KDM2B: variants seen among roughly 807,000 people sequenced by gnomAD.
The protein encoded by KDM2B is lysine-specific demethylase 2B.
In KDM2B, 26 loss-of-function variants were observed where a neutral mutation model predicts 150.0. That is an observed-to-expected ratio of 0.17 (90% CI 0.13 to 0.24). KDM2B has a LOEUF of 0.24. Ranked by LOEUF, KDM2B falls within the 10% of genes least tolerant of loss-of-function variation. KDM2B has a pLI of 1.00. For synonymous variants in KDM2B, 734 were observed against 729.5 expected (o/e 1.01, Z -0.10); for missense variants, 1,265 against 1,816.9 (o/e 0.70, Z 5.52).
intron 12 of KDM2B, among the ~76,000 whole-genome samples, chr12:121,482,672 C>T (rs144320234): frequency 0.012 from 1,849 of 152,190 alleles, 14 homozygotes; most frequent in Middle Eastern, 0.02. Context: ...ACATAAAGAA[C>T]AAGTGAGTCA....
In KDM2B at chr12:121,510,035, G is replaced by T; in HGVS notation, c.1179C>A (p.Ala393=). The T allele has an allele frequency of 6.5e-7, 1 of 1,543,524 alleles. No homozygotes were observed. Among genetic ancestry groups the T allele is most frequent in the South Asian group, 1.3e-5 (1 of 79,390 alleles). ...AGCCGTCTATGCTGGGCTTCCTCGG[G>T]GCATCTGTGGGGGCAGGGTCACAAG... ...EYQRESMLID[A]PRKPSIDGFS... is the part of the protein sequence containing the mutation. Residue 393 remains alanine, a synonymous_variant, in exon 11 of 23, where the codon GCC becomes GCA. Transcript: ENST00000377071.
rs782585571 is a variant in KDM2B at position 121,442,363 on chromosome 12, G to C, written c.3078C>G (p.Pro1026=). The stretch of plus-strand genomic sequence containing the variant: ...ACTTGGGCGGGGACACGGAGGGTGG[G>C]GGCCGGGAGATGACACGGGGCGGGC... ...LRSPPRVISR[P]PPSVSPPKCI... is the part of the protein sequence containing the mutation. The change falls in exon 19 of 23, where the codon CCC becomes CCG. Residue 1026 remains proline, a synonymous_variant. Coordinates refer to ENST00000377071, the MANE Select transcript of KDM2B (RefSeq NM_032590.5). This position sits in a 1 kb window ranked among gnomAD's most constrained non-coding sequence, Gnocchi z 7.7. 6.3e-6 allele frequency: 10 copies of C among 1,584,574 alleles called. No individual in the cohort carries two copies. The highest frequency in any genetic ancestry group is 7.7e-6 in the Non-Finnish European group (9 of 1,162,964).
intron 13 of KDM2B, among the ~76,000 whole-genome samples, chr12:121,448,319 CAAAA>C (rs57261158): frequency 0.042 from 2,143 of 51,018 alleles, 47 homozygotes; most frequent in African/African-American, 0.12. Flanking sequence ...GACTCTGTCT[CAAAA>C]AAAAAAAAAA....
At chr12:121,418,976 T>G in the KDM2B span, among the ~76,000 whole-genome samples, 1 of 152,160 alleles carries the variant, frequency 6.6e-6, no homozygotes, top group Admixed American at 6.5e-5. Context: ...GTGCTAAGAT[T>G]ACAGGCATGA....
At chr12:121,548,736 GCA>G in intron 6 of KDM2B, 139 bp downstream of exon 6, 1 of 658,676 alleles carries the variant, frequency 1.5e-6, no homozygotes, top group Non-Finnish European at 2.7e-6. Flanking sequence ...GCCCCCACAG[GCA>G]CAGTCCTTCA....
intron 9 of KDM2B, among the ~76,000 whole-genome samples, chr12:121,515,696 C>A (rs1176184204): frequency 2.6e-5 from 4 of 151,954 alleles, no homozygotes; most frequent in Admixed American, 6.5e-5. Flanking sequence ...CCAAACCCAG[C>A]GTCTCTGAGA....
chr12:121,509,741 G>C lies in KDM2B; in HGVS notation c.1473C>G (p.Pro491=). The C allele has an allele frequency of 6.2e-7, 1 of 1,614,108 alleles. No individual in the cohort carries two copies. Among genetic ancestry groups the C allele is most frequent in the South Asian group, 1.1e-5 (1 of 91,076 alleles). The change falls in exon 11 of 23, where the codon CCC becomes CCG. Residue 491 remains proline (P), a synonymous_variant. Transcript: ENST00000377071. The part of the protein sequence containing the change: ...VKSTTLAVDY[P]KTPTGSPATE... ...TGGCGGGAGAGCCGGTGGGGGTCTT[G>C]GGGTAGTCTACGGCCAATGTGGTGG...
intron 17 of KDM2B, 56 bp from the exon 18 acceptor site, chr12:121,443,086 C>T (rs1875453513): frequency 2.0e-6 from 3 of 1,490,506 alleles, no homozygotes; most frequent in East Asian, 2.3e-5. Context: ...GGGATTTGGT[C>T]TCCTCGACAC....
intron 12 of KDM2B, among the ~76,000 whole-genome samples, chr12:121,462,819 T>C (rs1359552843): frequency 1.3e-5 from 2 of 152,034 alleles, no homozygotes; most frequent in Non-Finnish European, 2.9e-5. Context: ...TAAGAAGCTA[T>C]AGGCCAGGTG....
At position 121,468,070 on chromosome 12, in the gene KDM2B, C is replaced by T. The variant is rs1555295250; in HGVS notation, c.1735-14726G>A. Reference sequence around the variant, plus strand: ...TCGCCTGACGGGGGCTGTCAGAACGCCCTGACTCTACCCTGAGGTGGGCGC... The same window carrying T: ...TCGCCTGACGGGGGCTGTCAGAACGTCCTGACTCTACCCTGAGGTGGGCGC... On this transcript the variant is annotated intron_variant, in intron 12 of 22. Coordinates refer to ENST00000377071, the MANE Select transcript of KDM2B (RefSeq NM_032590.5). The surrounding 1 kb of genome is among the most constrained non-coding windows in gnomAD (Gnocchi z 4.0). 1 of 152,268 alleles carries T rather than the reference C, an allele frequency of 6.6e-6. No homozygotes were observed. The highest frequency in any genetic ancestry group is 2.4e-5 in the African/African-American group (1 of 41,438). The allele number at this position is 152,268 out of a possible 1,614,324, so 9.4% of individuals were successfully genotyped here.
At position 121,467,108 on chromosome 12, in the gene KDM2B, G is replaced by C. The variant is rs1880110125; in HGVS notation, c.1735-13764C>G. On this transcript the variant is annotated intron_variant, in intron 12 of 22. Coordinates refer to ENST00000377071, the MANE Select transcript of KDM2B (RefSeq NM_032590.5). This position sits in a 1 kb window ranked among gnomAD's most constrained non-coding sequence, Gnocchi z 5.1. Reference sequence around the variant, plus strand: ...CCCTCGGCGCGTCAGACAGGCGGTCGGGAGGTCGTGCGGCGGGTCCCTCCC... The same window carrying C: ...CCCTCGGCGCGTCAGACAGGCGGTCCGGAGGTCGTGCGGCGGGTCCCTCCC... 1 of 1,066,762 alleles carries C rather than the reference G, an allele frequency of 9.4e-7. No individual in the cohort carries two copies. The highest frequency in any genetic ancestry group is 1.2e-6 in the Non-Finnish European group (1 of 851,812). 66.1% of individuals were successfully genotyped at this position (1,066,762 alleles called of 1,614,324 possible).
In KDM2B at chr12:121,436,288, G is replaced by A. The variant is rs368958894; in HGVS notation, c.3829+3569C>T. 6.8e-4 allele frequency among the ~76,000 whole-genome samples: 103 copies of A among 152,290 alleles called. No individual in the cohort carries two copies. The South Asian group carries it at 0.014, about 21-fold the overall frequency. ...TGTAATCCCAGCACTTTGGGAGGCC[G>A]AGGCGGGCGGATCACGAGGTCAGGA... On this transcript the variant is annotated intron_variant, in intron 22 of 22. Coordinates refer to ENST00000377071, the MANE Select transcript of KDM2B (RefSeq NM_032590.5).
In KDM2B at chr12:121,442,806, T is replaced by C. The variant is rs782648965; in HGVS notation, c.2635A>G (p.Met879Val). 13 of 1,531,340 alleles carry C rather than the reference T, an allele frequency of 8.5e-6. No homozygotes were observed. Among genetic ancestry groups the C allele is most frequent in the African/African-American group, 8.4e-5 (6 of 71,846 alleles). The allele number at this position is 1,531,340 out of a possible 1,614,324, so 94.9% of individuals were successfully genotyped here. The change falls in exon 19 of 23, where the codon ATG becomes GTG. Residue 879 changes from methionine (M) to valine (V), a missense_variant. Around this residue, in one of 11 missense-constraint regions of KDM2B, gnomAD observed 418 missense variants for 402.4 expected, o/e 1.04. Coordinates refer to ENST00000377071, the MANE Select transcript of KDM2B (RefSeq NM_032590.5). This position sits in a 1 kb window ranked among gnomAD's most constrained non-coding sequence, Gnocchi z 7.7. ...CGGAGGGGCTTGTTGGCCAGCGCCA[T>C]GCGGTCCTCGGCGTTCTTCCAGGAC... Reference protein sequence around the residue: ...RRSWKNAEDRMALANKPLRRF... With the variant: ...RRSWKNAEDRVALANKPLRRF...
chr12:121,442,859 G>A lies in KDM2B; in HGVS notation c.2605-23C>T, dbSNP rs782568495. On this transcript the variant is annotated intron_variant, in intron 18 of 22. Transcript: ENST00000377071. This position sits in a 1 kb window ranked among gnomAD's most constrained non-coding sequence, Gnocchi z 7.7. The stretch of plus-strand genomic sequence containing the variant: ...CCGCTGAGGGCGAGAGCGGAGACGC[G>A]TCAGCCTCTGGGGCTCAGGGCTGCG... The A allele has an allele frequency of 7.2e-6, 11 of 1,518,208 alleles. No individual in the cohort carries two copies. The highest frequency in any genetic ancestry group is 4.2e-5 in the African/African-American group (3 of 71,516). The allele number at this position is 1,518,208 out of a possible 1,614,324, so 94.0% of individuals were successfully genotyped here. A position where few individuals can be genotyped will look rare whatever the true frequency, so the allele number is the denominator to read the frequency against.
intron 12 of KDM2B, chr12:121,469,713 G>A (rs1880553105): frequency 6.6e-6 from 1 of 152,128 alleles, no homozygotes; most frequent in African/African-American, 2.4e-5. Flanking sequence ...AAAGAGGAGG[G>A]GCTCATAACA....
chr12:121,556,712 C>A lies in KDM2B; in HGVS notation c.398-7074G>T, dbSNP rs553678716. ...CTAAAAATACAAAAATTGAGCCAGG[C>A]CTGGTTATGCGCACCTGTAACCCCA... is the stretch of plus-strand genomic sequence containing the variant. On this transcript the variant is annotated intron_variant, in intron 4 of 22. Coordinates refer to ENST00000377071, the MANE Select transcript of KDM2B (RefSeq NM_032590.5). Among the ~76,000 whole-genome samples the A allele has an allele frequency of 6.1e-4, 93 of 152,004 alleles. No individual in the cohort carries two copies. In the South Asian group the frequency reaches 0.013, roughly 21 times the overall value.
intron 1 of KDM2B, chr12:121,579,509 C>CCCCCCG: frequency 2.1e-5 from 23 of 1,077,290 alleles, no homozygotes; most frequent in Non-Finnish European, 2.8e-5. Context: ...GCCGCCCGCC[C>CCCCCCG]GCCAGTGCAA....
intron 8 of KDM2B, among the ~76,000 whole-genome samples, chr12:121,531,116 T>G (rs1555307747): frequency 6.6e-6 from 1 of 151,938 alleles, no homozygotes; most frequent in African/African-American, 2.4e-5. Context: ...TTCCCGAGTC[T>G]CCACTACTCC....
At chr12:121,439,270 G>A (rs77476877) in intron 22 of KDM2B, among the ~76,000 whole-genome samples, 3,041 of 152,142 alleles carry the variant, frequency 0.02, 68 homozygotes, top group East Asian at 0.11. Context: ...GCACCCCCTC[G>A]GGAAGCTGTC....
Sources: gnomAD v4.1 joint callset for allele counts (sites outside exome capture counted in the v4.1 genomes callset) on GRCh38, gnomAD v4.1.1 for gene constraint, gnomAD v4.1.1 regional missense constraint, Gnocchi (gnomAD v3.1) non-coding constraint, MANE v1.5 for transcripts, NCBI Gene and HGNC (gene_info 2026-07-23, HGNC 2026-07-21) for gene names.